Variants in B3GLCT observed in about 807,000 individuals in gnomAD.
B3GLCT encodes the protein beta-1,3-glucosyltransferase.
B3GLCT carries 65 observed loss-of-function variants against 63.4 expected under a neutral mutation model. The ratio of observed to expected loss-of-function variants is 1.03; its 90% CI spans 0.84 to 1.26. B3GLCT has a LOEUF of 1.26. Among genes scored for constraint, B3GLCT ranks in the 50% most tolerant of loss-of-function variants. The pLI, the probability that B3GLCT is intolerant of heterozygous loss-of-function variation, is 0.00. For synonymous variants in B3GLCT, 233 were observed against 219.2 expected (o/e 1.06, Z -0.55); for missense variants, 577 against 604.8 (o/e 0.95, Z 0.48).
chr13:31,264,620 C>A (rs1292621297), intron 7 of B3GLCT, among the ~76,000 whole-genome samples: 1 of 152,174 alleles, frequency 6.6e-6, no homozygotes, highest in Non-Finnish European at 1.5e-5. Flanking sequence ...TAGCAACTAT[C>A]TTGTGGTCAA....
chr13:31,329,869 A>G lies in B3GLCT; in HGVS notation c.*201A>G. The G allele has an allele frequency of 1.6e-6, 1 of 609,586 alleles. No homozygotes were observed. The highest frequency in any genetic ancestry group is 2.9e-6 in the Non-Finnish European group (1 of 347,622). 37.8% of individuals were successfully genotyped at this position (609,586 alleles called of 1,614,324 possible). ...GAGAAACATTTTTTTTTCTGGGAAA[A>G]ATCACTTGCTTTTGACTTATGCAGT... On this transcript the variant is annotated 3_prime_UTR_variant, in exon 15 of 15. Transcript: ENST00000343307.
rs750712461 is a variant in B3GLCT at position 31,269,229 on chromosome 13, A to G, written c.612A>G (p.Leu204=). Reference sequence around the variant, plus strand: ...TATTTTCTAGGCTTACCAAGAGACTAAAGAGTGAATCCTTGAAATCCGACT... The same window carrying G: ...TATTTTCTAGGCTTACCAAGAGACTGAAGAGTGAATCCTTGAAATCCGACT... The part of the protein sequence containing the change: ...IPLVNKLTKR[L]KSESLKSDFT... Residue 204 remains leucine (L), a synonymous_variant, in exon 8 of 15, where the codon CTA becomes CTG. Coordinates refer to ENST00000343307, the MANE Select transcript of B3GLCT (RefSeq NM_194318.4). 3 of 1,609,886 alleles carry G rather than the reference A, an allele frequency of 1.9e-6. No homozygotes were observed. Among genetic ancestry groups the G allele is most frequent in the South Asian group, 2.2e-5 (2 of 90,978 alleles).
At chr13:31,223,594 A>G (rs1022486275) in intron 3 of B3GLCT, among the ~76,000 whole-genome samples, 1 of 152,230 alleles carries the variant, frequency 6.6e-6, no homozygotes, top group African/African-American at 2.4e-5. Context: ...GTTTGTAAGT[A>G]TCTTCAGAAA....
chr13:31,270,588 G>A (rs1455779471), intron 8 of B3GLCT, among the ~76,000 whole-genome samples: 2 of 152,140 alleles, frequency 1.3e-5, no homozygotes, highest in African/African-American at 4.8e-5. Flanking sequence ...TAACTAGCTT[G>A]CCTGGTTTAA....
intron 14 of B3GLCT, among the ~76,000 whole-genome samples, chr13:31,325,362 G>C (rs915143304): frequency 1.3e-5 from 2 of 152,162 alleles, no homozygotes; most frequent in African/African-American, 4.8e-5. Context: ...TCTGTCTCAT[G>C]GTGTTTCAGT....
intron 12 of B3GLCT, among the ~76,000 whole-genome samples, chr13:31,290,418 A>G (rs1036487135): frequency 6.6e-6 from 1 of 152,244 alleles, no homozygotes; most frequent in African/African-American, 2.4e-5. Flanking sequence ...TTCTAGTTCT[A>G]GATCCTTGAG....
At position 31,271,799 on chromosome 13, in the gene B3GLCT, A is replaced by G. The variant is rs555758873; in HGVS notation, c.660+2522A>G. 2.0e-5 allele frequency among the ~76,000 whole-genome samples: 3 copies of G among 152,322 alleles called. No individual in the cohort carries two copies. The East Asian group carries it at 5.8e-4, about 29-fold the overall frequency. On this transcript the variant is annotated intron_variant, in intron 8 of 14. Transcript: ENST00000343307. The stretch of plus-strand genomic sequence containing the variant: ...TAAGGGAGGAATGTAGAAATCGTCC[A>G]TAATAATGGTGGATTTTTCCTATGG...
intron 14 of B3GLCT, among the ~76,000 whole-genome samples, 166 bp downstream of exon 14, chr13:31,324,061 A>G (rs1875482344): frequency 1.3e-5 from 2 of 152,228 alleles, no homozygotes; most frequent in South Asian, 4.1e-4. Context: ...TGTTTGATGT[A>G]CACACTGTCT....
Position 31,332,252 on chromosome 13 carries a change from TA to T in B3GLCT, c.*2589del. On this transcript the variant is annotated 3_prime_UTR_variant, in exon 15 of 15. Coordinates refer to ENST00000343307, the MANE Select transcript of B3GLCT (RefSeq NM_194318.4). Reference sequence around the variant, plus strand: ...AGAGATGTAATTTGTATGGACTAAATAAAAACTTTATTATGTAATGAAAAGT... The same window carrying T: ...AGAGATGTAATTTGTATGGACTAAATAAAACTTTATTATGTAATGAAAAGT... 1 of 152,240 alleles carries T rather than the reference TA, an allele frequency of 6.6e-6. No homozygotes were observed. The highest frequency in any genetic ancestry group is 1.5e-5 in the Non-Finnish European group (1 of 67,986). 9.4% of individuals were successfully genotyped at this position (152,240 alleles called of 1,614,324 possible).
intron 4 of B3GLCT, among the ~76,000 whole-genome samples, chr13:31,238,398 A>G (rs1216494547): frequency 6.6e-6 from 1 of 152,144 alleles, no homozygotes; most frequent in Non-Finnish European, 1.5e-5. Flanking sequence ...TTCCATCTCC[A>G]GTTTTGAAGC....
At chr13:31,269,063 C>A in intron 7 of B3GLCT, 151 bp from the exon 8 acceptor site, 1 of 611,208 alleles carries the variant, frequency 1.6e-6, no homozygotes. Flanking sequence ...TGGGTTTTCA[C>A]AGTCCTTTCC....
At chr13:31,323,669 T>G in intron 13 of B3GLCT, 82 bp from the exon 14 acceptor site, 1 of 1,520,478 alleles carries the variant, frequency 6.6e-7, no homozygotes, top group Non-Finnish European at 9.1e-7. Flanking sequence ...AGGAGTAAAG[T>G]CCTGTTTCCC....
chr13:31,240,525 C>T (rs1397234539), intron 4 of B3GLCT, among the ~76,000 whole-genome samples: 2 of 148,436 alleles, frequency 1.3e-5, no homozygotes, highest in Non-Finnish European at 3.0e-5. Context: ...TTTGTTAAGC[C>T]AGGAGAGCTA....
chr13:31,310,495 C>T (rs1013736209), intron 12 of B3GLCT, among the ~76,000 whole-genome samples: 2 of 152,188 alleles, frequency 1.3e-5, no homozygotes, highest in Admixed American at 1.3e-4. Context: ...TTCTAGGGGC[C>T]TAGACCTCAG....
intron 2 of B3GLCT, among the ~76,000 whole-genome samples, chr13:31,219,579 C>G (rs1210587171): frequency 6.6e-6 from 1 of 152,176 alleles, no homozygotes; most frequent in Non-Finnish European, 1.5e-5. Flanking sequence ...AAGTTCATCT[C>G]TTCTCCACCA....
chr13:31,228,236 A>G (rs536928126), intron 3 of B3GLCT, among the ~76,000 whole-genome samples: 1 of 152,240 alleles, frequency 6.6e-6, no homozygotes, highest in South Asian at 2.1e-4. Context: ...TGGAGATAAC[A>G]CCTAATCCTG....
rs1431064411 is a variant in B3GLCT at position 31,323,652 on chromosome 13, AG to A, written c.1185-98del. The stretch of plus-strand genomic sequence containing the variant: ...CTAGAGAAAGCTACTATTGCCTCTC[AG>A]TCTGCAGGAGTAAAGTCCTGTTTCC... On this transcript the variant is annotated intron_variant, in intron 13 of 14. Transcript: ENST00000343307. The A allele has an allele frequency of 1.5e-5, 20 of 1,356,798 alleles. No individual in the cohort carries two copies. In the East Asian group the frequency reaches 4.6e-4, roughly 31 times the overall value. The allele number at this position is 1,356,798 out of a possible 1,614,324, so 84.0% of individuals were successfully genotyped here.
At chr13:31,244,265 G>C (rs1871090599) in intron 4 of B3GLCT, among the ~76,000 whole-genome samples, 1 of 152,208 alleles carries the variant, frequency 6.6e-6, no homozygotes. Context: ...GCCGAGGCGG[G>C]TGGATCACCT....
At chr13:31,252,871 A>G (rs960231923) in intron 6 of B3GLCT, among the ~76,000 whole-genome samples, 2 of 152,218 alleles carry the variant, frequency 1.3e-5, no homozygotes, top group African/African-American at 4.8e-5. Context: ...CCTAACAGAC[A>G]TCTACAGAAC....
Sources: gnomAD v4.1 joint callset for allele counts (sites outside exome capture counted in the v4.1 genomes callset) on GRCh38, gnomAD v4.1.1 for gene constraint, MANE v1.5 for transcripts, NCBI Gene and HGNC (gene_info 2026-07-23, HGNC 2026-07-21) for gene names.